FAT3: variants seen among roughly 807,000 people sequenced by gnomAD.
The protein encoded by FAT3 is FAT atypical cadherin 3, also known as protocadherin Fat 3.
In FAT3, 95 loss-of-function variants were observed where a neutral mutation model predicts 310.2. The observed-to-expected ratio is 0.31, with a 90% confidence interval of 0.26 to 0.36. FAT3 has a LOEUF of 0.36. Among genes scored for constraint, FAT3 ranks in the 10% least tolerant of loss-of-function variants. The probability of loss-of-function intolerance (pLI) is 1.00; values close to 1 mark genes in which losing one functional copy is unlikely to be tolerated. For missense variants in FAT3, 5,408 were observed against 5,715.6 expected (o/e 0.95, Z 1.74); for synonymous variants, 2,314 against 2,192.9 (o/e 1.06, Z -1.54).
chr11:92,661,011 T>C (rs952098470), intron 3 of FAT3, among the ~76,000 whole-genome samples: 4 of 152,234 alleles, frequency 2.6e-5, no homozygotes, highest in Admixed American at 2.6e-4. Flanking sequence ...TACCTCTACA[T>C]CTACACATAA....
At position 92,366,399 on chromosome 11, in the gene FAT3, A is replaced by C. The variant is rs974048399; in HGVS notation, c.3292+10995A>C. The stretch of plus-strand genomic sequence containing the variant: ...TGCAGTTACAACTTAAGATGCTTAC[A>C]GATGTGGTCAGTGTGACATGTCCAG... On this transcript the variant is annotated intron_variant, in intron 2 of 27. Transcript: ENST00000525166. 5.2e-5 allele frequency: 15 copies of C among 289,350 alleles called. 1 individual carries two copies. The highest frequency in any genetic ancestry group is 5.1e-4 in the South Asian group (15 of 29,168). 17.9% of individuals were successfully genotyped at this position (289,350 alleles called of 1,614,324 possible). A position where few individuals can be genotyped will look rare whatever the true frequency, so the allele number is the denominator to read the frequency against.
At chr11:92,624,094 G>C (rs1216078621) in intron 3 of FAT3, among the ~76,000 whole-genome samples, 1 of 152,148 alleles carries the variant, frequency 6.6e-6, no homozygotes, top group African/African-American at 2.4e-5. Context: ...GAGGCAAAAA[G>C]CTATTACAAT....
At chr11:92,843,892 G>T (rs1179875357) in intron 18 of FAT3, 42 bp from the exon 19 acceptor site, 1 of 1,534,728 alleles carries the variant, frequency 6.5e-7, no homozygotes, top group Non-Finnish European at 8.8e-7. Flanking sequence ...ACTATGATTA[G>T]TTTTCTTCCT....
At chr11:92,432,574 C>T (rs550072187) in intron 2 of FAT3, among the ~76,000 whole-genome samples, 1 of 152,178 alleles carries the variant, frequency 6.6e-6, no homozygotes, top group Admixed American at 6.5e-5. Context: ...CCCTGTTTGC[C>T]TGAGTGTCAC....
At chr11:92,726,347 G>A (rs1281382724) in intron 4 of FAT3, among the ~76,000 whole-genome samples, 2 of 152,070 alleles carry the variant, frequency 1.3e-5, no homozygotes, top group African/African-American at 2.4e-5. Flanking sequence ...CATATTTATA[G>A]TCAACAGTTG....
At chr11:92,393,684 G>A (rs1949797553) in intron 2 of FAT3, among the ~76,000 whole-genome samples, 2 of 152,314 alleles carry the variant, frequency 1.3e-5, no homozygotes, top group East Asian at 3.9e-4. Context: ...ATAATTGGCA[G>A]TGTAATTAAT....
intron 13 of FAT3, among the ~76,000 whole-genome samples, chr11:92,824,120 G>A (rs1948041830): frequency 6.6e-6 from 1 of 152,278 alleles, no homozygotes; most frequent in South Asian, 2.1e-4. Flanking sequence ...ACTTTGGGAG[G>A]CTGAGGTGGG....
At chr11:92,763,175 C>T (rs1452435799) in intron 5 of FAT3, among the ~76,000 whole-genome samples, 5 of 151,040 alleles carry the variant, frequency 3.3e-5, no homozygotes, top group Admixed American at 3.3e-4. Context: ...AAAAAAGGCA[C>T]CATCCACCAC....
chr11:92,230,887 G>C (rs192451169), intron 1 of FAT3, among the ~76,000 whole-genome samples: 1 of 152,174 alleles, frequency 6.6e-6, no homozygotes, highest in Non-Finnish European at 1.5e-5. Context: ...AGTTATTAAA[G>C]TGAATATAAT....
chr11:92,739,926 C>T (rs528947463), intron 4 of FAT3, among the ~76,000 whole-genome samples: 1 of 152,310 alleles, frequency 6.6e-6, no homozygotes, highest in East Asian at 1.9e-4. Context: ...CCAGAAATCT[C>T]AGGACCTTTC....
intron 2 of FAT3, among the ~76,000 whole-genome samples, chr11:92,368,379 AC>A (rs1372247015): frequency 2.6e-5 from 4 of 152,182 alleles, no homozygotes; most frequent in Non-Finnish European, 5.9e-5. Flanking sequence ...ATAAACTTTT[AC>A]AGATACTCTT....
chr11:92,363,566 T>C (rs1948934901), intron 2 of FAT3, among the ~76,000 whole-genome samples: 1 of 152,220 alleles, frequency 6.6e-6, no homozygotes, highest in Admixed American at 6.5e-5. Flanking sequence ...AAGACAGATG[T>C]TATTTGGTGG....
intron 17 of FAT3, among the ~76,000 whole-genome samples, chr11:92,839,810 C>A (rs1000143805): frequency 1.3e-5 from 2 of 152,146 alleles, no homozygotes; most frequent in Non-Finnish European, 2.9e-5. Context: ...CCGTTTTCAA[C>A]GTGAGGATGA....
At chr11:92,429,027 G>A (rs1950703496) in intron 2 of FAT3, among the ~76,000 whole-genome samples, 1 of 152,136 alleles carries the variant, frequency 6.6e-6, no homozygotes, top group Admixed American at 6.6e-5. Context: ...CTCTTTGTAG[G>A]TCTCTAAGAA....
At position 92,866,808 on chromosome 11, in the gene FAT3, G is replaced by A. The variant is rs2136347670; in HGVS notation, c.11726G>A (p.Gly3909Asp). The change falls in exon 22 of 28, where the codon GGC (glycine) becomes GAC (aspartate). Residue 3909 changes from glycine (G) to aspartate (D), a missense_variant. Gly to Asp is a moderately conservative substitution (Grantham distance 94). This residue lies in a region of FAT3 where 4,588 missense variants were observed against 4,809.8 expected (regional missense o/e 0.95). Transcript: ENST00000525166. ...GSGPGILGIS[G>D]RAVNDGSWHS... is the part of the protein sequence containing the mutation. Reference sequence around the variant, plus strand: ...GGCCCTGGAATCTTGGGCATCTCGGGCCGTGCTGTCAACGACGGGAGCTGG... The same window carrying A: ...GGCCCTGGAATCTTGGGCATCTCGGACCGTGCTGTCAACGACGGGAGCTGG... The A allele has an allele frequency of 6.2e-7, 1 of 1,613,906 alleles. No homozygotes were observed. The highest frequency in any genetic ancestry group is 8.5e-7 in the Non-Finnish European group (1 of 1,179,872).
chr11:92,851,995 G>C (rs1464376112), intron 19 of FAT3, among the ~76,000 whole-genome samples: 1 of 152,146 alleles, frequency 6.6e-6, no homozygotes, highest in Non-Finnish European at 1.5e-5. Context: ...CTAAAAGCGA[G>C]TTAACCCTTC....
intron 1 of FAT3, among the ~76,000 whole-genome samples, chr11:92,306,744 AAT>A (rs897221557): frequency 5.9e-5 from 7 of 118,794 alleles, no homozygotes; most frequent in African/African-American, 1.9e-4. Flanking sequence ...TTTATATATA[AAT>A]ATATATAAAT....
chr11:92,730,795 A>G (rs1201042868), intron 4 of FAT3, among the ~76,000 whole-genome samples: 3 of 152,186 alleles, frequency 2.0e-5, no homozygotes, highest in South Asian at 4.1e-4. Flanking sequence ...ATGCCCATTT[A>G]TGTCTTGAGA....
chr11:92,762,098 C>A lies in FAT3; in HGVS notation c.3912C>A (p.Phe1304Leu). 6.2e-7 allele frequency: 1 copy of A among 1,613,910 alleles called. No homozygotes were observed. Among genetic ancestry groups the A allele is most frequent in the South Asian group, 1.1e-5 (1 of 91,078 alleles). Residue 1304 changes from phenylalanine (F) to leucine (L), a missense_variant, in exon 5 of 28, where the codon TTC (phenylalanine) becomes TTA (leucine). Phe to Leu is a conservative substitution (Grantham distance 22, BLOSUM62 0). Transcript: ENST00000525166. ...TGGATGGGAATGATGACGGAAAGTTCTTTATTGACCCTAAAACTGGGATGG... is the reference window on the plus strand; with the variant it reads ...TGGATGGGAATGATGACGGAAAGTTATTTATTGACCCTAAAACTGGGATGG... Reference protein sequence around the residue: ...SIVDGNDDGKFFIDPKTGMVS... With the variant: ...SIVDGNDDGKLFIDPKTGMVS...
Sources: gnomAD v4.1 joint callset for allele counts (sites outside exome capture counted in the v4.1 genomes callset) on GRCh38, gnomAD v4.1.1 for gene constraint, gnomAD v4.1.1 regional missense constraint, MANE v1.5 for transcripts, NCBI Gene and HGNC (gene_info 2026-07-23, HGNC 2026-07-21) for gene names.